UNC5D: variants seen among roughly 807,000 people sequenced by gnomAD.
The protein encoded by UNC5D is unc-5 netrin receptor D, also known as netrin receptor UNC5D.
A neutral mutation model predicts 105.4 loss-of-function variants in UNC5D; 39 were observed. The observed-to-expected ratio is 0.37, with a 90% CI of 0.29 to 0.48. The LOEUF is 0.48. Ranked by LOEUF, UNC5D falls within the 20% of genes least tolerant of loss-of-function variation. UNC5D has a pLI of 0.98. For synonymous variants in UNC5D, 452 were observed against 450.4 expected (o/e 1.00, Z -0.04); for missense variants, 991 against 1,202.4 (o/e 0.82, Z 2.60).
At chr8:35,381,470 G>A (rs941791245) in intron 1 of UNC5D, among the ~76,000 whole-genome samples, 2 of 152,124 alleles carry the variant, frequency 1.3e-5, no homozygotes, top group African/African-American at 4.8e-5. Context: ...CAGTGATTCT[G>A]CTTTCCTGAG....
chr8:35,750,528 G>C, intron 12 of UNC5D, 54 bp from the exon 13 acceptor site: 1 of 1,561,060 alleles, frequency 6.4e-7, no homozygotes, highest in South Asian at 1.1e-5. Context: ...GCAATATAAA[G>C]GTTAGATCAC....
At chr8:35,435,115 A>T (rs1475180841) in intron 1 of UNC5D, among the ~76,000 whole-genome samples, 2 of 151,956 alleles carry the variant, frequency 1.3e-5, no homozygotes, top group Non-Finnish European at 2.9e-5. Context: ...GGAGTTTTTA[A>T]TCTTTTTTGT....
rs551236884 is a variant in UNC5D at position 35,591,523 on chromosome 8, CTATTAT to C, written c.467-4019_467-4014del. On this transcript the variant is annotated intron_variant, in intron 3 of 16. Coordinates refer to ENST00000404895, the MANE Select transcript of UNC5D (RefSeq NM_080872.4). Reference sequence around the variant, plus strand: ...TCAAGTCCTTTTTTAGCTTAGAGAACTATTATTATTATTATTAAATTGATTTTTGTT... The same window carrying C: ...TCAAGTCCTTTTTTAGCTTAGAGAACTATTATTATTAAATTGATTTTTGTT... Among the ~76,000 whole-genome samples, 20 of 152,000 alleles carry C rather than the reference CTATTAT, an allele frequency of 1.3e-4. 1 individual carries two copies. The South Asian group carries it at 4.1e-3, about 32-fold the overall frequency.
chr8:35,381,866 T>C (rs1264959299), intron 1 of UNC5D, among the ~76,000 whole-genome samples: 5 of 152,206 alleles, frequency 3.3e-5, no homozygotes, highest in Non-Finnish European at 7.3e-5. Flanking sequence ...CTTTTCATGA[T>C]TTCTTGTCAC....
At chr8:35,628,518 AT>A (rs1821834598) in intron 4 of UNC5D, among the ~76,000 whole-genome samples, 1 of 152,146 alleles carries the variant, frequency 6.6e-6, no homozygotes, top group African/African-American at 2.4e-5. Flanking sequence ...GTGTGCATAG[AT>A]TTTTCAGAAC....
intron 1 of UNC5D, among the ~76,000 whole-genome samples, chr8:35,450,627 CTT>C (rs1488583825): frequency 6.6e-6 from 1 of 152,052 alleles, no homozygotes; most frequent in Non-Finnish European, 1.5e-5. Flanking sequence ...TGAAGATAAA[CTT>C]AACTATTATT....
At chr8:35,625,038 G>T (rs112126637) in intron 4 of UNC5D, among the ~76,000 whole-genome samples, 1 of 152,162 alleles carries the variant, frequency 6.6e-6, no homozygotes, top group Non-Finnish European at 1.5e-5. Flanking sequence ...GAGCCCAGTG[G>T]TCTATGAACT....
intron 1 of UNC5D, among the ~76,000 whole-genome samples, chr8:35,312,870 C>T (rs1809003069): frequency 6.6e-6 from 1 of 152,152 alleles, no homozygotes; most frequent in African/African-American, 2.4e-5. Flanking sequence ...TAATCTTTTG[C>T]TTTATAATCT....
chr8:35,682,536 G>A (rs1825738586), intron 4 of UNC5D, among the ~76,000 whole-genome samples: 1 of 152,194 alleles, frequency 6.6e-6, no homozygotes, highest in Non-Finnish European at 1.5e-5. Context: ...TCAAACAAGA[G>A]ATGTGTCTAG....
At chr8:35,363,663 A>G (rs959558335) in intron 1 of UNC5D, among the ~76,000 whole-genome samples, 1 of 152,092 alleles carries the variant, frequency 6.6e-6, no homozygotes, top group Non-Finnish European at 1.5e-5. Context: ...AAACTAAGTC[A>G]TTTGGTTAAC....
chr8:35,488,398 G>C (rs567596196), intron 1 of UNC5D, among the ~76,000 whole-genome samples: 1 of 152,216 alleles, frequency 6.6e-6, no homozygotes, highest in Non-Finnish European at 1.5e-5. Flanking sequence ...GAATGACCCA[G>C]AAGGTGATTT....
chr8:35,622,705 G>A (rs1175965385), intron 4 of UNC5D, among the ~76,000 whole-genome samples: 1 of 152,128 alleles, frequency 6.6e-6, no homozygotes, highest in Non-Finnish European at 1.5e-5. Flanking sequence ...TTTGTCCACA[G>A]CATTCCATTC....
chr8:35,458,359 G>A (rs1808641017), intron 1 of UNC5D, among the ~76,000 whole-genome samples: 2 of 152,096 alleles, frequency 1.3e-5, no homozygotes, highest in Non-Finnish European at 1.5e-5. Context: ...TGTTAATGGT[G>A]GTTCTTGACC....
At chr8:35,657,113 T>TATAA (rs1823826244) in intron 4 of UNC5D, among the ~76,000 whole-genome samples, 2 of 118,366 alleles carry the variant, frequency 1.7e-5, no homozygotes, top group South Asian at 2.5e-4. Flanking sequence ...TATATATATA[T>TATAA]ATATATATAT....
intron 1 of UNC5D, among the ~76,000 whole-genome samples, chr8:35,505,535 G>T (rs927057734): frequency 1.3e-5 from 2 of 152,168 alleles, no homozygotes; most frequent in Non-Finnish European, 2.9e-5. Flanking sequence ...AGATGATCAA[G>T]ATAGGATTGG....
At chr8:35,291,752 T>C (rs1227724741) in intron 1 of UNC5D, among the ~76,000 whole-genome samples, 1 of 152,216 alleles carries the variant, frequency 6.6e-6, no homozygotes, top group African/African-American at 2.4e-5. Flanking sequence ...CATTTCTCTC[T>C]TTTGTAGTTG....
At chr8:35,714,306 G>A (rs959984622) in intron 8 of UNC5D, among the ~76,000 whole-genome samples, 1 of 152,214 alleles carries the variant, frequency 6.6e-6, no homozygotes, top group African/African-American at 2.4e-5. Context: ...TGATAATGAT[G>A]AATCTGTAAA....
rs148374582 is a variant in UNC5D at position 35,656,228 on chromosome 8, G to A, written c.571-27319G>A. Among the ~76,000 whole-genome samples, 3 of 152,224 alleles carry A rather than the reference G, an allele frequency of 2.0e-5. No individual in the cohort carries two copies. The East Asian group carries it at 5.8e-4, about 29-fold the overall frequency. On this transcript the variant is annotated intron_variant, in intron 4 of 16. Coordinates refer to ENST00000404895, the MANE Select transcript of UNC5D (RefSeq NM_080872.4). ...TCCTGAGATTTCCACAATAACTTTA[G>A]TGCAAGGGTGTGTGTTCAACAAAAC...
At chr8:35,624,656 G>A (rs1024545853) in intron 4 of UNC5D, among the ~76,000 whole-genome samples, 14 of 152,060 alleles carry the variant, frequency 9.2e-5, no homozygotes, top group Non-Finnish European at 1.6e-4. Flanking sequence ...TAAATGATAG[G>A]TCTTTAAGAA....
Sources: allele counts gnomAD v4.1 joint callset (sites outside exome capture counted in the v4.1 genomes callset), GRCh38; gene constraint gnomAD v4.1.1; transcripts MANE v1.5; gene names NCBI Gene and HGNC (gene_info 2026-07-23, HGNC 2026-07-21).